CRADD: variants seen among roughly 807,000 people sequenced by gnomAD.
CRADD encodes the protein death domain-containing protein CRADD.
CRADD carries 9 observed loss-of-function variants against 15.5 expected under a neutral mutation model. That is an observed-to-expected ratio of 0.58 (90% CI 0.35 to 1.01). The LOEUF is 1.01. Ranked by LOEUF, CRADD falls within the 50% of genes least tolerant of loss-of-function variation. CRADD has a pLI of 0.02. For missense variants in CRADD, 227 were observed against 250.3 expected (o/e 0.91, Z 0.63); for synonymous variants, 118 against 107.6 (o/e 1.10, Z -0.60).
chr12:93,867,104 A>G (rs992976390), intron 2 of CRADD, among the ~76,000 whole-genome samples: 1 of 152,016 alleles, frequency 6.6e-6, no homozygotes. Context: ...TTACTCCCAA[A>G]TCATAAACCC....
intron 2 of CRADD, among the ~76,000 whole-genome samples, chr12:93,889,316 C>A (rs982841760): frequency 4.6e-5 from 7 of 152,060 alleles, no homozygotes; most frequent in Admixed American, 1.3e-4. Flanking sequence ...TATATAGGAC[C>A]AAGTTCATGC....
At chr12:93,851,131 G>C (rs1324259841), downstream of CRADD, among the ~76,000 whole-genome samples, 1 of 152,180 alleles carries the variant, frequency 6.6e-6, no homozygotes, top group African/African-American at 2.4e-5. Context: ...TTAGTCTTCT[G>C]TCCTTTTATC....
At chr12:93,850,982 C>CG (rs1831799990), downstream of CRADD, among the ~76,000 whole-genome samples, 1 of 152,124 alleles carries the variant, frequency 6.6e-6, no homozygotes, top group Non-Finnish European at 1.5e-5. This position sits in a 1 kb window ranked among gnomAD's most constrained non-coding sequence, Gnocchi z 4.0. Flanking sequence ...CATGCATACC[C>CG]GAGCCCTTCA....
intron 2 of CRADD, among the ~76,000 whole-genome samples, chr12:93,712,354 C>T (rs1956089513): frequency 6.6e-6 from 1 of 152,146 alleles, no homozygotes; most frequent in Non-Finnish European, 1.5e-5. Context: ...CTAGTGTCAG[C>T]CTTTTGCAAG....
At chr12:93,826,775 G>C (rs916570593) in intron 2 of CRADD, 1 of 152,214 alleles carries the variant, frequency 6.6e-6, no homozygotes, top group Non-Finnish European at 1.5e-5. Context: ...AGCAAACATC[G>C]CTGAACCAGA....
At chr12:93,690,694 G>A (rs1005002061) in intron 2 of CRADD, among the ~76,000 whole-genome samples, 1 of 152,162 alleles carries the variant, frequency 6.6e-6, no homozygotes, top group Non-Finnish European at 1.5e-5. Flanking sequence ...ATTGCTCAAG[G>A]TCACACAGTT....
chr12:93,688,494 C>CA (rs143174603), intron 2 of CRADD, among the ~76,000 whole-genome samples: 1,052 of 80,400 alleles, frequency 0.013, 7 homozygotes, highest in African/African-American at 0.036. Flanking sequence ...GACCCTGTCT[C>CA]AAAAAAAAAA....
intron 2 of CRADD, among the ~76,000 whole-genome samples, chr12:93,844,543 A>G (rs1365484416): frequency 6.6e-6 from 1 of 152,132 alleles, no homozygotes; most frequent in African/African-American, 2.4e-5. Flanking sequence ...ATGTGGCCCT[A>G]TTTACAAGGG....
intron 2 of CRADD, among the ~76,000 whole-genome samples, chr12:93,726,382 G>T (rs572154796): frequency 2.2e-4 from 33 of 152,144 alleles, no homozygotes; most frequent in African/African-American, 7.2e-4. Context: ...GGGATTATAG[G>T]CATAAGCCCC....
chr12:93,686,501 G>A (rs1276698512), intron 2 of CRADD, among the ~76,000 whole-genome samples: 1 of 152,088 alleles, frequency 6.6e-6, no homozygotes, highest in Admixed American at 6.6e-5. Context: ...TTTTCATGAT[G>A]CTTCACAGTT....
At chr12:93,810,329 A>G (rs997528808) in intron 2 of CRADD, among the ~76,000 whole-genome samples, 2 of 151,976 alleles carry the variant, frequency 1.3e-5, no homozygotes, top group Non-Finnish European at 2.9e-5. Flanking sequence ...CGGGCGGATC[A>G]CCTGAGGTCG....
At chr12:93,832,770 G>A (rs1957923365) in intron 2 of CRADD, among the ~76,000 whole-genome samples, 1 of 152,190 alleles carries the variant, frequency 6.6e-6, no homozygotes, top group African/African-American at 2.4e-5. Flanking sequence ...TTTAGAAAAG[G>A]GGGAAGACTG....
Position 93,850,698 on chromosome 12 carries a change from A to G in CRADD, c.*427A>G, listed in dbSNP as rs952855879. ...GACTGAACTGTGGACTTTACTATTCATAATGATAAAATAATAAAATGCGAA... is the reference window on the plus strand; with the variant it reads ...GACTGAACTGTGGACTTTACTATTCGTAATGATAAAATAATAAAATGCGAA... On this transcript the variant is annotated 3_prime_UTR_variant, in exon 3 of 3. Coordinates refer to ENST00000332896, the MANE Select transcript of CRADD (RefSeq NM_003805.5). The surrounding 1 kb of genome is among the most constrained non-coding windows in gnomAD (Gnocchi z 4.0). The G allele has an allele frequency of 2.0e-6, 2 of 984,376 alleles. No individual in the cohort carries two copies. 61.0% of individuals were successfully genotyped at this position (984,376 alleles called of 1,614,324 possible).
intron 2 of CRADD, among the ~76,000 whole-genome samples, chr12:93,887,849 G>A (rs536219178): frequency 2.0e-4 from 31 of 152,300 alleles, no homozygotes; most frequent in African/African-American, 3.4e-4. Flanking sequence ...GATGGGAAAA[G>A]CAGTCAAGTC....
intron 2 of CRADD, among the ~76,000 whole-genome samples, chr12:93,703,382 GGGTCT>G (rs1335078987): frequency 6.8e-6 from 1 of 146,576 alleles, no homozygotes; most frequent in Non-Finnish European, 1.5e-5. Flanking sequence ...TTTTGAGACA[GGGTCT>G]GGTTCTGTTG....
intron 2 of CRADD, among the ~76,000 whole-genome samples, chr12:93,832,746 G>A (rs1345095368): frequency 2.6e-5 from 4 of 152,186 alleles, no homozygotes; most frequent in Non-Finnish European, 5.9e-5. Flanking sequence ...TGATTAAGGA[G>A]TTCATTTTCC....
intron 2 of CRADD, among the ~76,000 whole-genome samples, chr12:93,760,035 G>T (rs954877730): frequency 6.6e-6 from 1 of 152,144 alleles, no homozygotes; most frequent in South Asian, 2.1e-4. Flanking sequence ...AACCCAGCCC[G>T]CAGAGACATG....
intron 2 of CRADD, among the ~76,000 whole-genome samples, chr12:93,732,474 T>A (rs143160800): frequency 1.0e-3 from 159 of 152,302 alleles, no homozygotes; most frequent in African/African-American, 3.8e-3. Flanking sequence ...GAGAAAATGG[T>A]TAGTAATGGG....
intron 2 of CRADD, among the ~76,000 whole-genome samples, chr12:93,793,719 G>A (rs1957377795): frequency 6.6e-6 from 1 of 152,224 alleles, no homozygotes; most frequent in Non-Finnish European, 1.5e-5. Flanking sequence ...GGTGGAAGAA[G>A]TGGGATGAGG....
Sources: allele counts gnomAD v4.1 joint callset (sites outside exome capture counted in the v4.1 genomes callset), GRCh38; gene constraint gnomAD v4.1.1; non-coding constraint Gnocchi (gnomAD v3.1); transcripts MANE v1.5; gene names NCBI Gene and HGNC (gene_info 2026-07-23, HGNC 2026-07-21).